FSTL5: variants seen among roughly 807,000 people sequenced by gnomAD.
FSTL5 encodes the protein follistatin-related protein 5.
FSTL5 carries 62 observed loss-of-function variants against 89.1 expected under a neutral mutation model. The ratio of observed to expected loss-of-function variants is 0.70; its 90% CI spans 0.57 to 0.86. The LOEUF (loss-of-function observed/expected upper bound fraction) is 0.86. Among genes scored for constraint, FSTL5 ranks in the 40% least tolerant of loss-of-function variants. The pLI, the probability that FSTL5 is intolerant of heterozygous loss-of-function variation, is 0.00. For missense variants in FSTL5, 1,057 were observed against 1,001.6 expected, an observed-to-expected ratio of 1.06 and a Z score of -0.75; for synonymous variants, 383 against 346.2, an observed-to-expected ratio of 1.11 and a Z score of -1.18.
At chr4:161,834,699 A>G (rs1269767183) in intron 4 of FSTL5, among the ~76,000 whole-genome samples, 1 of 152,174 alleles carries the variant, frequency 6.6e-6, no homozygotes, top group Non-Finnish European at 1.5e-5. Flanking sequence ...ACTCCCATTC[A>G]CAATTGCTTC....
intron 3 of FSTL5, among the ~76,000 whole-genome samples, chr4:161,971,595 A>G (rs1188852535): frequency 6.6e-6 from 1 of 152,074 alleles, no homozygotes; most frequent in African/African-American, 2.4e-5. Context: ...AATTACCTAA[A>G]CATTCCTGGG....
intron 1 of FSTL5, among the ~76,000 whole-genome samples, chr4:162,159,076 T>C (rs1011268907): frequency 6.6e-6 from 1 of 152,068 alleles, no homozygotes; most frequent in African/African-American, 2.4e-5. Flanking sequence ...AGAGGGCAGG[T>C]AGGCATTTGT....
intron 3 of FSTL5, among the ~76,000 whole-genome samples, chr4:161,971,477 C>A (rs1255796554): frequency 6.6e-6 from 1 of 152,064 alleles, no homozygotes; most frequent in Non-Finnish European, 1.5e-5. Context: ...CTCTCTCCAA[C>A]AATCCCAGAG....
chr4:161,923,377 T>C (rs1380061197), intron 3 of FSTL5, among the ~76,000 whole-genome samples: 2 of 151,876 alleles, frequency 1.3e-5, no homozygotes, highest in Non-Finnish European at 1.5e-5. Flanking sequence ...AAAAATACTT[T>C]AATGTAAAGT....
chr4:162,122,082 G>A (rs1176928233), intron 1 of FSTL5, among the ~76,000 whole-genome samples: 1 of 152,048 alleles, frequency 6.6e-6, no homozygotes, highest in Non-Finnish European at 1.5e-5. Context: ...TAATAGTTAA[G>A]TTTGGGGGGA....
At chr4:161,595,521 T>G (rs1175454901) in intron 7 of FSTL5, among the ~76,000 whole-genome samples, 1 of 152,102 alleles carries the variant, frequency 6.6e-6, no homozygotes, top group Non-Finnish European at 1.5e-5. Context: ...TTATATATTT[T>G]TCAAGGTAGT....
At chr4:161,883,375 A>C (rs937606813) in intron 4 of FSTL5, among the ~76,000 whole-genome samples, 4 of 152,212 alleles carry the variant, frequency 2.6e-5, no homozygotes, top group African/African-American at 9.6e-5. Flanking sequence ...GTATGTTGTT[A>C]TAATAACGAT....
At chr4:161,526,457 C>T (rs11721900) in intron 10 of FSTL5, among the ~76,000 whole-genome samples, 23,813 of 152,012 alleles carry the variant, frequency 0.16, 2,445 homozygotes, top group Non-Finnish European at 0.23. Flanking sequence ...TACAAATGGG[C>T]ATACCATTTT....
Position 161,679,953 on chromosome 4 carries a change from A to G in FSTL5, c.728-23459T>C, listed in dbSNP as rs990080715. On this transcript the variant is annotated intron_variant, in intron 6 of 15. Transcript: ENST00000306100. The stretch of plus-strand genomic sequence containing the variant: ...TACAAAACAATACTAAACAATATTA[A>G]ACTGAGTTTTATATTCCAAAAAGTA... Among the ~76,000 whole-genome samples the G allele has an allele frequency of 3.8e-4, 58 of 151,932 alleles. 1 individual carries two copies. Among genetic ancestry groups the G allele is most frequent in the Non-Finnish European group, 4.7e-4 (32 of 67,772 alleles).
chr4:161,843,556 G>A (rs1478170842), intron 4 of FSTL5, among the ~76,000 whole-genome samples: 4 of 151,980 alleles, frequency 2.6e-5, no homozygotes, highest in African/African-American at 4.8e-5. Context: ...CTACAAGGCT[G>A]CAGTAACCAA....
At chr4:161,862,229 G>T (rs1385680566) in intron 4 of FSTL5, among the ~76,000 whole-genome samples, 1 of 152,108 alleles carries the variant, frequency 6.6e-6, no homozygotes, top group Non-Finnish European at 1.5e-5. Flanking sequence ...AATGATTATT[G>T]TATTTATGAG....
intron 15 of FSTL5, among the ~76,000 whole-genome samples, chr4:161,445,922 T>C (rs1732928285): frequency 6.6e-6 from 1 of 152,018 alleles, no homozygotes; most frequent in Non-Finnish European, 1.5e-5. Flanking sequence ...GAAAGAGTAA[T>C]CATAGCTGAA....
chr4:161,923,394 A>G (rs1461184688), intron 3 of FSTL5, among the ~76,000 whole-genome samples: 1 of 151,970 alleles, frequency 6.6e-6, no homozygotes, highest in Non-Finnish European at 1.5e-5. Flanking sequence ...AAGTATAAAA[A>G]TACTGATTTC....
intron 5 of FSTL5, among the ~76,000 whole-genome samples, chr4:161,764,893 G>A (rs968472842): frequency 1.3e-5 from 2 of 151,990 alleles, no homozygotes; most frequent in Admixed American, 6.6e-5. Context: ...TGTTTGTTAC[G>A]AACAGCGCTT....
chr4:161,616,281 C>T (rs530086300), intron 7 of FSTL5, among the ~76,000 whole-genome samples: 1 of 152,142 alleles, frequency 6.6e-6, no homozygotes, highest in South Asian at 2.1e-4. Context: ...GATGGGGTTT[C>T]ACCATGTTGG....
intron 3 of FSTL5, among the ~76,000 whole-genome samples, chr4:161,929,748 CA>C (rs1356151663): frequency 6.7e-5 from 10 of 149,318 alleles, no homozygotes; most frequent in African/African-American, 1.2e-4. Flanking sequence ...ACATCTAGTG[CA>C]AAAGCCCAAT....
At chr4:161,826,007 A>C (rs777060769) in intron 4 of FSTL5, among the ~76,000 whole-genome samples, 1 of 151,978 alleles carries the variant, frequency 6.6e-6, no homozygotes, top group Non-Finnish European at 1.5e-5. Flanking sequence ...TTTTTGATGT[A>C]TGCATTTAAA....
At position 162,118,834 on chromosome 4, in the gene FSTL5, A is replaced by G. The variant is rs1330854012; in HGVS notation, c.-16-7422T>C. On this transcript the variant is annotated intron_variant, in intron 1 of 15. Transcript: ENST00000306100. ...TAATTCTCCAAAAATATTTTCAGTAAGTATTATTGCCTATATATGACTACC... is the reference window on the plus strand; with the variant it reads ...TAATTCTCCAAAAATATTTTCAGTAGGTATTATTGCCTATATATGACTACC... Among the ~76,000 whole-genome samples, 3 of 152,262 alleles carry G rather than the reference A, an allele frequency of 2.0e-5. No homozygotes were observed. In the East Asian group the frequency reaches 5.8e-4, roughly 29 times the overall value.
intron 13 of FSTL5, among the ~76,000 whole-genome samples, chr4:161,472,614 ATTGT>A (rs1182115299): frequency 4.0e-5 from 6 of 151,540 alleles, no homozygotes; most frequent in African/African-American, 1.2e-4. Flanking sequence ...TTTTTAATCG[ATTGT>A]TTAAGGTTGT....
Sources: gnomAD v4.1 joint callset for allele counts (sites outside exome capture counted in the v4.1 genomes callset) on GRCh38, gnomAD v4.1.1 for gene constraint, MANE v1.5 for transcripts, NCBI Gene and HGNC (gene_info 2026-07-23, HGNC 2026-07-21) for gene names.